The following INTS1 variants were observed in gnomAD, a reference collection of about 807,000 sequenced individuals.
The protein encoded by INTS1 is integrator complex subunit 1.
Under a neutral mutation model 241.6 loss-of-function variants are expected in INTS1, and 137 were observed. That is an observed-to-expected ratio of 0.57 (90% CI 0.49 to 0.65). INTS1 has a LOEUF of 0.65. Ranked by LOEUF, INTS1 falls within the 30% of genes least tolerant of loss-of-function variation. The pLI is 0.00. For synonymous variants in INTS1, 1,692 were observed against 1,337.8 expected, an observed-to-expected ratio of 1.26 and a Z score of -5.78; for missense variants, 3,073 against 3,032.2, an observed-to-expected ratio of 1.01 and a Z score of -0.32.
chr7:1,500,017 A>G lies in INTS1; in HGVS notation c.551T>C (p.Leu184Pro). The G allele has an allele frequency of 6.2e-7, 1 of 1,612,992 alleles. No homozygotes were observed. Among genetic ancestry groups the G allele is most frequent in the Non-Finnish European group, 8.5e-7 (1 of 1,179,642 alleles). ...IFATEGVIEA[L>P]CSLLRRDASI... ...GGCGTCCCGCCGCAGGAGGCTACACAGAGCCTGCCAGGGAGGGCGCATGTC... is the reference window on the plus strand; with the variant it reads ...GGCGTCCCGCCGCAGGAGGCTACACGGAGCCTGCCAGGGAGGGCGCATGTC... Residue 184 changes from leucine (L) to proline (P), a missense_variant, in exon 5 of 48, where the codon CTG (leucine) becomes CCG (proline). By Grantham distance (98) the Leu-to-Pro change is moderately conservative (BLOSUM62 -3). Transcript: ENST00000404767.
chr7:1,503,121 G>A lies in INTS1; in HGVS notation c.129C>T (p.Ser43=), dbSNP rs374167617. The A allele has an allele frequency of 6.2e-6, 10 of 1,600,244 alleles. No individual in the cohort carries two copies. The highest frequency in any genetic ancestry group is 6.8e-6 in the Non-Finnish European group (8 of 1,170,794). ...CGGAAGGGGCTGGCTTCAGCAGGGT[G>A]GACGCCGTTTTCGATTCATTGGCCT... ...KGQANESKTA[S]TLLKPAPSGL... is the part of the protein sequence containing the mutation. Residue 43 remains serine, a synonymous_variant, in exon 3 of 48, where the codon TCC becomes TCT. Transcript: ENST00000404767.
chr7:1,475,437 T>C (rs1391761561), intron 39 of INTS1, among the ~76,000 whole-genome samples: 4 of 151,744 alleles, frequency 2.6e-5, no homozygotes, highest in South Asian at 4.2e-4. Context: ...AAATGACATA[T>C]AAGTGAAAAA....
At position 1,476,464 on chromosome 7, in the gene INTS1, G is replaced by C. The variant is rs371637110; in HGVS notation, c.5152-9C>G. On this transcript the variant is annotated splice_polypyrimidine_tract_variant and intron_variant, in intron 37 of 47. Transcript: ENST00000404767. ...AGCTCCTCCCGCCGCTTCTGTAACG[G>C]GTGCCTGCATCAGCCCCGGAGCACC... is the stretch of plus-strand genomic sequence containing the variant. The C allele has an allele frequency of 5.7e-6, 9 of 1,576,700 alleles. No homozygotes were observed. The highest frequency in any genetic ancestry group is 1.3e-5 in the African/African-American group (1 of 74,150).
rs756492084 is a variant in INTS1, at chr7:1,499,461, C to T, written c.844+12G>A. The T allele has an allele frequency of 6.4e-6, 10 of 1,562,234 alleles. No homozygotes were observed. Among genetic ancestry groups the T allele is most frequent in the South Asian group, 4.5e-5 (4 of 88,278 alleles). The stretch of plus-strand genomic sequence containing the variant: ...TGGACACCCGCCCTCTCTGGCTGGC[C>T]GTGTGTCTCACCTGCACCCAGGTCG... On this transcript the variant is annotated intron_variant, in intron 6 of 47. Transcript: ENST00000404767.
chr7:1,486,127 G>A (rs1583125339), intron 22 of INTS1, among the ~76,000 whole-genome samples: 1 of 152,082 alleles, frequency 6.6e-6, no homozygotes, highest in African/African-American at 2.4e-5. Flanking sequence ...GTAGAGAGAG[G>A]ATCTTCCTGT....
At chr7:1,494,758 G>C (rs1782762010) in intron 14 of INTS1, 58 bp downstream of exon 14, 1 of 1,521,482 alleles carries the variant, frequency 6.6e-7, no homozygotes, top group African/African-American at 1.4e-5. Context: ...AGCCGGCCCG[G>C]CACCCCGCAG....
At position 1,499,921 on chromosome 7, in the gene INTS1, T is replaced by A; in HGVS notation, c.647A>T (p.Tyr216Phe). 6.2e-7 allele frequency: 1 copy of A among 1,613,610 alleles called. No homozygotes were observed. The highest frequency in any genetic ancestry group is 8.5e-7 in the Non-Finnish European group (1 of 1,179,780). Reference sequence around the variant, plus strand: ...CTCGGGCCAGTTCTCGTCCTCCTCGTAGGCGGCCATGAGGAGGTTACAGGC... The same window carrying A: ...CTCGGGCCAGTTCTCGTCCTCCTCGAAGGCGGCCATGAGGAGGTTACAGGC... ...VLACNLLMAA[Y>F]EEDENWPEIF... Residue 216 changes from tyrosine (Y) to phenylalanine (F), a missense_variant, in exon 5 of 48, where the codon TAC becomes TTC. Physicochemically the swap from Tyr to Phe is conservative, Grantham distance 22. Transcript: ENST00000404767.
intron 13 of INTS1, 68 bp from the exon 14 acceptor site, chr7:1,494,961 G>A (rs1005839796): frequency 6.6e-6 from 10 of 1,526,510 alleles, no homozygotes; most frequent in Admixed American, 5.9e-5. Context: ...TTAGTTCCAG[G>A]GAAGGGACCC....
At chr7:1,498,930 G>GCCCCCCCCCCCCCCCCCCCC (rs1422037492) in intron 8 of INTS1, 45 bp downstream of exon 8, 5 of 1,460,178 alleles carry the variant, frequency 3.4e-6, no homozygotes, top group Admixed American at 2.0e-5. Flanking sequence ...CACAGAGCCT[G>GCCCCCCCCCCCCCCCCCCCC]CCCCCACCCC....
chr7:1,503,075 G>A lies in INTS1; in HGVS notation c.175C>T (p.Arg59Trp), dbSNP rs917196708. Reference sequence around the variant, plus strand: ...CTGGACAACGCGGCCGCCGCATCCCGCTTGCGCTCAGAAGGCAGGCCGGAA... The same window carrying A: ...CTGGACAACGCGGCCGCCGCATCCCACTTGCGCTCAGAAGGCAGGCCGGAA... The part of the protein sequence containing the change: ...APSGLPSERK[R>W]DAAAALSSAS... Residue 59 changes from arginine to tryptophan, a missense_variant, in exon 3 of 48, where the codon CGG becomes TGG. By Grantham distance (101) the Arg-to-Trp change is moderately radical. Coordinates refer to ENST00000404767, the MANE Select transcript of INTS1 (RefSeq NM_001080453.3). The A allele has an allele frequency of 9.9e-6, 16 of 1,612,682 alleles. No individual in the cohort carries two copies. The highest frequency in any genetic ancestry group is 2.2e-5 in the South Asian group (2 of 91,038).
chr7:1,488,080 T>A, intron 18 of INTS1, 123 bp from the exon 19 acceptor site: 2 of 1,053,572 alleles, frequency 1.9e-6, no homozygotes, highest in Non-Finnish European at 2.9e-6. Context: ...TGCACAGCAG[T>A]CAGGAGCACA....
Position 1,493,129 on chromosome 7 carries a change from G to T in INTS1, c.2069-23C>A, listed in dbSNP as rs368257688. 8 of 1,595,920 alleles carry T rather than the reference G, an allele frequency of 5.0e-6. No homozygotes were observed. Among genetic ancestry groups the T allele is most frequent in the Non-Finnish European group, 6.0e-6 (7 of 1,163,820 alleles). ...CATCTAAGACCAAGAGCCACACATGGGTTCTGGGGCTGCTCACAGACCATC... is the reference window on the plus strand; with the variant it reads ...CATCTAAGACCAAGAGCCACACATGTGTTCTGGGGCTGCTCACAGACCATC... On this transcript the variant is annotated intron_variant, in intron 15 of 47. Coordinates refer to ENST00000404767, the MANE Select transcript of INTS1 (RefSeq NM_001080453.3). The surrounding 1 kb of genome is among the most constrained non-coding windows in gnomAD (Gnocchi z 5.3).
Position 1,479,246 on chromosome 7 carries a change from C to T in INTS1, c.4329+184G>A, listed in dbSNP as rs556891094. Among the ~76,000 whole-genome samples the T allele has an allele frequency of 5.9e-5, 9 of 152,366 alleles. No homozygotes were observed. The East Asian group carries it at 1.5e-3, about 26-fold the overall frequency. On this transcript the variant is annotated intron_variant, in intron 31 of 47. Coordinates refer to ENST00000404767, the MANE Select transcript of INTS1 (RefSeq NM_001080453.3). ...CGGACGCCGCACTGCCCCCACCTCCCGTCCCGGGGGAATGTTCACTGGAAA... is the reference window on the plus strand; with the variant it reads ...CGGACGCCGCACTGCCCCCACCTCCTGTCCCGGGGGAATGTTCACTGGAAA...
chr7:1,498,295 G>C, intron 10 of INTS1, 117 bp downstream of exon 10: 1 of 1,466,798 alleles, frequency 6.8e-7, no homozygotes, highest in Non-Finnish European at 9.2e-7. Context: ...CCGAGACCGA[G>C]GAGCATTCTC....
intron 13 of INTS1, among the ~76,000 whole-genome samples, chr7:1,495,141 A>T (rs1782782722): frequency 6.6e-6 from 1 of 152,006 alleles, no homozygotes; most frequent in Non-Finnish European, 1.5e-5. Flanking sequence ...GCTGCAGAGA[A>T]ATGCAGCCCC....
chr7:1,487,081 G>A lies in INTS1; in HGVS notation c.2667C>T (p.Pro889=). 3 of 1,554,006 alleles carry A rather than the reference G, an allele frequency of 1.9e-6. No individual in the cohort carries two copies. The highest frequency in any genetic ancestry group is 2.4e-5 in the East Asian group (1 of 41,736). The change falls in exon 21 of 48, where the codon CCC becomes CCT. Residue 889 remains proline, a synonymous_variant. Transcript: ENST00000404767. ...IQRQASSQSM[P]WLADLVQSSE... ...TGGACTGTACCAGGTCCGCCAGCCA[G>A]GGCATGGACTGCGAGGAGGCCTGGG...
Position 1,487,461 on chromosome 7 carries a change from A to C in INTS1, c.2517-12T>G. 1 of 1,609,236 alleles carries C rather than the reference A, an allele frequency of 6.2e-7. No individual in the cohort carries two copies. The highest frequency in any genetic ancestry group is 2.2e-5 in the East Asian group (1 of 44,798). ...TCCGGGGGGGCCCCCTGAGGGCCAC[A>C]GGGGACACGGTGCGTCAGCACGCCC... On this transcript the variant is annotated splice_polypyrimidine_tract_variant and intron_variant, in intron 19 of 47. Coordinates refer to ENST00000404767, the MANE Select transcript of INTS1 (RefSeq NM_001080453.3).
chr7:1,489,569 G>A, intron 17 of INTS1, 22 bp downstream of exon 17: 1 of 1,554,852 alleles, frequency 6.4e-7, no homozygotes. Context: ...GTGTGCGCAT[G>A]GGGCGGCCAG....
Position 1,480,376 on chromosome 7 carries a change from C to G in INTS1, c.4015G>C (p.Val1339Leu). The change falls in exon 30 of 48, where the codon GTG becomes CTG. Residue 1339 changes from valine to leucine, a missense_variant. Coordinates refer to ENST00000404767, the MANE Select transcript of INTS1 (RefSeq NM_001080453.3). ...EQPIGQGRIR[V>L]GTQLRVLGPE... Reference sequence around the variant, plus strand: ...CCCAGCACCCGGAGCTGGGTCCCCACCCGAATCCGGCCCTGGCCTATGGGC... The same window carrying G: ...CCCAGCACCCGGAGCTGGGTCCCCAGCCGAATCCGGCCCTGGCCTATGGGC... 6.2e-7 allele frequency: 1 copy of G among 1,612,596 alleles called. No homozygotes were observed.
Sources: allele counts gnomAD v4.1 joint callset (sites outside exome capture counted in the v4.1 genomes callset), GRCh38; gene constraint gnomAD v4.1.1; non-coding constraint Gnocchi (gnomAD v3.1); transcripts MANE v1.5; gene names NCBI Gene and HGNC (gene_info 2026-07-23, HGNC 2026-07-21).